XKR4: variants seen among roughly 807,000 people sequenced by gnomAD.
XKR4 encodes XK-related protein 4.
Under a neutral mutation model 53.9 loss-of-function variants are expected in XKR4, and 12 were observed. The observed-to-expected ratio is 0.22, with a 90% CI of 0.14 to 0.36. XKR4 has a LOEUF of 0.36. Ranked by LOEUF, XKR4 falls within the 10% of genes least tolerant of loss-of-function variation. The pLI is 1.00. For synonymous variants in XKR4, 354 were observed against 362.4 expected, an observed-to-expected ratio of 0.98 and a Z score of 0.26; for missense variants, 799 against 859.5, an observed-to-expected ratio of 0.93 and a Z score of 0.88.
At chr8:55,467,454 C>A (rs762380515) in intron 2 of XKR4, among the ~76,000 whole-genome samples, 2 of 152,126 alleles carry the variant, frequency 1.3e-5, no homozygotes, top group South Asian at 4.1e-4. Flanking sequence ...CTCCCTCACT[C>A]AAGGGGAGTG....
At chr8:55,208,813 C>G (rs575845772) in intron 1 of XKR4, among the ~76,000 whole-genome samples, 5 of 152,056 alleles carry the variant, frequency 3.3e-5, no homozygotes, top group Admixed American at 6.5e-5. Context: ...ACCGTGTGGA[C>G]CCCCGCAGTT....
intron 2 of XKR4, among the ~76,000 whole-genome samples, chr8:55,493,326 G>A (rs575376428): frequency 1.3e-5 from 2 of 152,304 alleles, no homozygotes; most frequent in South Asian, 4.1e-4. Context: ...GAAAGCCTGG[G>A]TTTTGCTAGC....
chr8:55,263,607 C>T (rs1343405472), intron 1 of XKR4, among the ~76,000 whole-genome samples: 1 of 152,196 alleles, frequency 6.6e-6, no homozygotes. Context: ...CACCTTTTCA[C>T]CCAAGGATGG....
intron 1 of XKR4, among the ~76,000 whole-genome samples, chr8:55,300,784 C>A (rs996617495): frequency 6.6e-6 from 1 of 152,176 alleles, no homozygotes; most frequent in African/African-American, 2.4e-5. Flanking sequence ...ATCGCCCCAA[C>A]AAAGGTGAAG....
chr8:55,291,271 TATA>T (rs1260764932), intron 1 of XKR4, among the ~76,000 whole-genome samples: 2 of 152,222 alleles, frequency 1.3e-5, no homozygotes, highest in Non-Finnish European at 2.9e-5. Flanking sequence ...ACTATAGATG[TATA>T]ATAAGTCTTG....
intron 2 of XKR4, among the ~76,000 whole-genome samples, chr8:55,462,144 A>G (rs1389731581): frequency 6.6e-6 from 1 of 152,214 alleles, no homozygotes; most frequent in African/African-American, 2.4e-5. Context: ...ATACTCCTCG[A>G]GAAGAGCAAC....
intron 1 of XKR4, among the ~76,000 whole-genome samples, chr8:55,351,637 G>T (rs1406875803): frequency 6.6e-6 from 1 of 152,166 alleles, no homozygotes; most frequent in African/African-American, 2.4e-5. Context: ...TCATTAATTT[G>T]TTCACTCCCT....
chr8:55,289,880 G>GAAAGAAAGAAAC (rs1818993739), intron 1 of XKR4, among the ~76,000 whole-genome samples: 1 of 29,282 alleles, frequency 3.4e-5, no homozygotes. Context: ...AAGAAAGAAA[G>GAAAGAAAGAAAC]AAAGAAAGAA....
At chr8:55,264,751 A>G (rs60177313) in intron 1 of XKR4, among the ~76,000 whole-genome samples, 35,901 of 152,214 alleles carry the variant, frequency 0.24, 4,697 homozygotes, top group East Asian at 0.49. Flanking sequence ...GAGAATTGCA[A>G]TGCATCAATA....
At chr8:55,188,075 A>G (rs1817401679) in intron 1 of XKR4, among the ~76,000 whole-genome samples, 1 of 152,198 alleles carries the variant, frequency 6.6e-6, no homozygotes, top group Non-Finnish European at 1.5e-5. Flanking sequence ...CTGTTAAAGT[A>G]ATGCTGTTAA....
chr8:55,447,205 T>G (rs1346335562), intron 2 of XKR4, among the ~76,000 whole-genome samples: 1 of 152,156 alleles, frequency 6.6e-6, no homozygotes, highest in African/African-American at 2.4e-5. Flanking sequence ...AGGAATGTGC[T>G]GATAATTAAA....
rs375152481 is a variant in XKR4, at chr8:55,349,169, A to G, written c.807-8509A>G. Among the ~76,000 whole-genome samples, 3 of 152,348 alleles carry G rather than the reference A, an allele frequency of 2.0e-5. No homozygotes were observed. In the East Asian group the frequency reaches 5.8e-4, roughly 29 times the overall value. On this transcript the variant is annotated intron_variant, in intron 1 of 2. Coordinates refer to ENST00000327381, the MANE Select transcript of XKR4 (RefSeq NM_052898.2). ...TATTTTTAATTAGTCATTTTTTAAC[A>G]GGATGGAAACCTAAAGTTTAGAAAT...
At chr8:55,500,181 CAAAAAAAAAAAAAA>C (rs36233927) in intron 2 of XKR4, among the ~76,000 whole-genome samples, 7 of 115,610 alleles carry the variant, frequency 6.1e-5, no homozygotes, top group Admixed American at 4.3e-4. Flanking sequence ...CAAATTGGGC[CAAAAAAAAAAAAAA>C]AAAAAAAAAA....
intron 1 of XKR4, among the ~76,000 whole-genome samples, chr8:55,127,632 G>T (rs1585892830): frequency 6.6e-6 from 1 of 151,030 alleles, no homozygotes; most frequent in Non-Finnish European, 1.5e-5. Context: ...TGCACAACGT[G>T]CAGGTTTGTT....
At chr8:55,142,392 C>T (rs1159423873) in intron 1 of XKR4, 3 of 294,066 alleles carry the variant, frequency 1.0e-5, no homozygotes, top group South Asian at 6.9e-5. Context: ...AACCCGTTGG[C>T]GCTCCTTAAG....
At chr8:55,224,216 C>T (rs879738092) in intron 1 of XKR4, among the ~76,000 whole-genome samples, 2 of 152,104 alleles carry the variant, frequency 1.3e-5, no homozygotes, top group African/African-American at 4.8e-5. Flanking sequence ...CACTGGTTCT[C>T]ATTTTCCCTG....
At chr8:55,421,938 T>C (rs1804940526) in intron 2 of XKR4, among the ~76,000 whole-genome samples, 1 of 152,202 alleles carries the variant, frequency 6.6e-6, no homozygotes, top group Non-Finnish European at 1.5e-5. Flanking sequence ...AGTAAGCTCC[T>C]GGGAGCCATT....
intron 1 of XKR4, among the ~76,000 whole-genome samples, chr8:55,103,627 G>A (rs1205722948): frequency 6.6e-6 from 1 of 151,770 alleles, no homozygotes; most frequent in Non-Finnish European, 1.5e-5. Context: ...TTGTTTCAGT[G>A]AGTAGGAGAG....
chr8:55,203,232 C>T (rs577290054), intron 1 of XKR4, among the ~76,000 whole-genome samples: 15 of 152,336 alleles, frequency 9.8e-5, no homozygotes, highest in East Asian at 1.9e-4. Flanking sequence ...TGCACTATTG[C>T]GCCTGCCATG....
Sources: gnomAD v4.1 joint callset for allele counts (sites outside exome capture counted in the v4.1 genomes callset) on GRCh38, gnomAD v4.1.1 for gene constraint, MANE v1.5 for transcripts, NCBI Gene and HGNC (gene_info 2026-07-23, HGNC 2026-07-21) for gene names.